SGIP1: variants seen among roughly 807,000 people sequenced by gnomAD.
SGIP1 encodes the protein SH3GL interacting endocytic adaptor 1, also known as SH3-containing GRB2-like protein 3-interacting protein 1.
SGIP1 carries 38 observed loss-of-function variants against 107.5 expected under a neutral mutation model. The observed-to-expected ratio is 0.35, with a 90% CI of 0.27 to 0.46. SGIP1 has a LOEUF of 0.46. Ranked by LOEUF, SGIP1 falls within the 20% of genes least tolerant of loss-of-function variation. The probability of loss-of-function intolerance (pLI) is 1.00; values close to 1 mark genes in which losing one functional copy is unlikely to be tolerated. For missense variants in SGIP1, 929 were observed against 1,019.5 expected, an observed-to-expected ratio of 0.91 and a Z score of 1.21; for synonymous variants, 365 against 366.1, an observed-to-expected ratio of 1.00 and a Z score of 0.03.
chr1:66,539,389 T>C (rs1338184), intron 1 of SGIP1, among the ~76,000 whole-genome samples: 104,401 of 152,050 alleles, frequency 0.69, 36,405 homozygotes, highest in East Asian at 1. Context: ...TGGGGAAGTG[T>C]ATTTAGACTT....
intron 20 of SGIP1, among the ~76,000 whole-genome samples, chr1:66,731,794 A>C (rs1263332392): frequency 1.3e-5 from 2 of 152,156 alleles, no homozygotes; most frequent in African/African-American, 2.4e-5. Flanking sequence ...TGTTTACTGA[A>C]GAAGACTTCA....
chr1:66,736,206 AT>A (rs2094227689), intron 21 of SGIP1, among the ~76,000 whole-genome samples: 4 of 145,848 alleles, frequency 2.7e-5, no homozygotes, highest in Non-Finnish European at 6.0e-5. Flanking sequence ...AATATTTTAA[AT>A]ATAAATATTT....
At chr1:66,591,927 TA>T (rs1225167906) in intron 1 of SGIP1, among the ~76,000 whole-genome samples, 1 of 152,198 alleles carries the variant, frequency 6.6e-6, no homozygotes, top group African/African-American at 2.4e-5. Context: ...ACAAACATTT[TA>T]GTGCAGTAAA....
chr1:66,673,346 T>C lies in SGIP1; in HGVS notation c.626T>C (p.Phe209Ser), dbSNP rs1372443798. The change falls in exon 12 of 25, where the codon TTT becomes TCT. Residue 209 changes from phenylalanine to serine, a missense_variant. By Grantham distance (155) the Phe-to-Ser change is radical. This residue lies in a region of SGIP1 where 588 missense variants were observed against 588.6 expected (regional missense o/e 1.00). Coordinates refer to ENST00000371037, the MANE Select transcript of SGIP1 (RefSeq NM_032291.4). ...PLFGPPLESA[F>S]DEQKTEVLLD... ...TTTGGCCCACCACTAGAATCAGCTT[T>C]TGATGAACAGAAGACAGAAGGTAGG... 4 of 1,611,348 alleles carry C rather than the reference T, an allele frequency of 2.5e-6. No individual in the cohort carries two copies. The highest frequency in any genetic ancestry group is 2.5e-6 in the Non-Finnish European group (3 of 1,179,440).
At chr1:66,624,364 T>C (rs2072051698) in intron 1 of SGIP1, among the ~76,000 whole-genome samples, 1 of 152,218 alleles carries the variant, frequency 6.6e-6, no homozygotes, top group South Asian at 2.1e-4. Context: ...AAGGTGTTTC[T>C]TAATATTATG....
intron 21 of SGIP1, among the ~76,000 whole-genome samples, chr1:66,734,725 G>A (rs1286170272): frequency 1.3e-5 from 2 of 151,830 alleles, no homozygotes; most frequent in Non-Finnish European, 2.9e-5. Context: ...ATGCTGGTCT[G>A]GAACTCCTGA....
intron 1 of SGIP1, among the ~76,000 whole-genome samples, chr1:66,577,078 T>C (rs1489130863): frequency 1.3e-5 from 2 of 152,218 alleles, no homozygotes; most frequent in East Asian, 3.8e-4. Flanking sequence ...CTTGAATAAC[T>C]ACCTGCCTGT....
chr1:66,534,622 G>A (rs967792544), intron 1 of SGIP1, among the ~76,000 whole-genome samples: 1 of 152,196 alleles, frequency 6.6e-6, no homozygotes, highest in African/African-American at 2.4e-5. Flanking sequence ...GTGTTTGCAG[G>A]GAGCTGAGAT....
rs564618183 is a variant in SGIP1, at chr1:66,663,999, C to T, written c.471+3475C>T. ...CCTCTGAATGCTTGCAATCTAGACT[C>T]TATTTTTCATATTTCTCATAATTTC... On this transcript the variant is annotated intron_variant, in intron 8 of 24. Coordinates refer to ENST00000371037, the MANE Select transcript of SGIP1 (RefSeq NM_032291.4). 8.5e-5 allele frequency among the ~76,000 whole-genome samples: 13 copies of T among 152,248 alleles called. No homozygotes were observed. The South Asian group carries it at 2.5e-3, about 29-fold the overall frequency.
chr1:66,601,021 C>T (rs1215417275), intron 1 of SGIP1, among the ~76,000 whole-genome samples: 1 of 152,176 alleles, frequency 6.6e-6, no homozygotes, highest in Non-Finnish European at 1.5e-5. Flanking sequence ...TCCACATGAA[C>T]ACAGATTGTA....
At chr1:66,644,853 C>T (rs1337273449) in intron 7 of SGIP1, among the ~76,000 whole-genome samples, 1 of 152,218 alleles carries the variant, frequency 6.6e-6, no homozygotes, top group East Asian at 1.9e-4. Context: ...CATATACTCC[C>T]CTGCTACTTT....
chr1:66,578,087 A>AT, intron 1 of SGIP1, among the ~76,000 whole-genome samples: 1 of 152,186 alleles, frequency 6.6e-6, no homozygotes, highest in African/African-American at 2.4e-5. Flanking sequence ...ATTTTTTTCC[A>AT]TTTTTAGAAA....
intron 2 of SGIP1, among the ~76,000 whole-genome samples, chr1:66,627,426 G>A (rs2073127934): frequency 6.6e-6 from 1 of 152,136 alleles, no homozygotes; most frequent in Non-Finnish European, 1.5e-5. Context: ...GATAATGGAA[G>A]GCAAGGCTGG....
At chr1:66,740,587 A>G in intron 22 of SGIP1, 71 bp from the exon 23 acceptor site, 1 of 942,736 alleles carries the variant, frequency 1.1e-6, no homozygotes, top group Non-Finnish European at 1.7e-6. Context: ...TACTATCTGG[A>G]AAAAAAACAT....
rs2063678065 is a variant in SGIP1 at position 66,591,784 on chromosome 1, G to A, written c.11-34063G>A. Among the ~76,000 whole-genome samples the A allele has an allele frequency of 2.0e-5, 3 of 152,192 alleles. No individual in the cohort carries two copies. In the South Asian group the frequency reaches 6.2e-4, roughly 32 times the overall value. On this transcript the variant is annotated intron_variant, in intron 1 of 24. Coordinates refer to ENST00000371037, the MANE Select transcript of SGIP1 (RefSeq NM_032291.4). ...CTACCATTTAGGTGAGGGTGATGTG[G>A]CAGGACTATAGGGTAATGGTGGGGA...
chr1:66,723,816 C>T (rs1463907223), intron 19 of SGIP1, among the ~76,000 whole-genome samples: 2 of 152,138 alleles, frequency 1.3e-5, no homozygotes, highest in African/African-American at 4.8e-5. Context: ...GAACCTATGA[C>T]CCAGAACTTG....
chr1:66,667,862 GAA>G (rs1292246302), intron 9 of SGIP1, among the ~76,000 whole-genome samples: 1 of 152,052 alleles, frequency 6.6e-6, no homozygotes, highest in East Asian at 1.9e-4. Flanking sequence ...AGATTCACCA[GAA>G]AGTACCATAG....
At chr1:66,737,332 T>C (rs1276128498) in intron 21 of SGIP1, among the ~76,000 whole-genome samples, 1 of 152,210 alleles carries the variant, frequency 6.6e-6, no homozygotes, top group East Asian at 1.9e-4. Flanking sequence ...ATTTCCGTAT[T>C]TGTTATTAAG....
rs531703359 is a variant in SGIP1, at chr1:66,555,353, C to T, written c.10+20985C>T. Among the ~76,000 whole-genome samples, 234 of 152,194 alleles carry T rather than the reference C, an allele frequency of 1.5e-3. 7 individuals are homozygous for T. The South Asian group carries it at 0.048, about 31-fold the overall frequency. Reference sequence around the variant, plus strand: ...AATATATTTTCTGTTCTCCCACATCCACCATCTTTATCTTATATCTGAACC... The same window carrying T: ...AATATATTTTCTGTTCTCCCACATCTACCATCTTTATCTTATATCTGAACC... On this transcript the variant is annotated intron_variant, in intron 1 of 24. Coordinates refer to ENST00000371037, the MANE Select transcript of SGIP1 (RefSeq NM_032291.4).
Sources: gnomAD v4.1 joint callset for allele counts (sites outside exome capture counted in the v4.1 genomes callset) on GRCh38, gnomAD v4.1.1 for gene constraint, gnomAD v4.1.1 regional missense constraint, MANE v1.5 for transcripts, NCBI Gene and HGNC (gene_info 2026-07-23, HGNC 2026-07-21) for gene names.